Variants in LYPD6B observed in about 807,000 individuals in gnomAD.
LYPD6B encodes LY6/PLAUR domain containing 6B, also known as ly6/PLAUR domain-containing protein 6B.
Under a neutral mutation model 22.8 loss-of-function variants are expected in LYPD6B, and 17 were observed. That is an observed-to-expected ratio of 0.75 (90% CI 0.51 to 1.12). The LOEUF (loss-of-function observed/expected upper bound fraction) is 1.12. Among genes scored for constraint, LYPD6B ranks in the 50% most tolerant of loss-of-function variants. The pLI is 0.00. For synonymous variants in LYPD6B, 106 were observed against 91.6 expected, an observed-to-expected ratio of 1.16 and a Z score of -0.90; for missense variants, 221 against 258.3, an observed-to-expected ratio of 0.86 and a Z score of 0.99.
At chr2:149,093,612 A>G (rs1685768349) in intron 1 of LYPD6B, among the ~76,000 whole-genome samples, 1 of 152,138 alleles carries the variant, frequency 6.6e-6, no homozygotes, top group South Asian at 2.1e-4. Context: ...CACTATCTGG[A>G]CAGAACTGGG....
At chr2:149,102,979 C>G (rs915270881) in intron 1 of LYPD6B, among the ~76,000 whole-genome samples, 4 of 152,218 alleles carry the variant, frequency 2.6e-5, no homozygotes, top group African/African-American at 9.6e-5. Context: ...ATATGTCCCT[C>G]TGTGTCCGTG....
Position 149,163,774 on chromosome 2 carries a change from A to T in LYPD6B, c.77+2939A>T, listed in dbSNP as rs562733185. Among the ~76,000 whole-genome samples, 3 of 152,278 alleles carry T rather than the reference A, an allele frequency of 2.0e-5. No homozygotes were observed. In the South Asian group the frequency reaches 6.2e-4, roughly 32 times the overall value. On this transcript the variant is annotated intron_variant, in intron 3 of 6. Coordinates refer to ENST00000409642, the MANE Select transcript of LYPD6B (RefSeq NM_177964.5). ...TAAAATCAAAGCTTAGAATGTAATC[A>T]TTCTCTTGTTTTGGGAAGGGAAGAC... is the stretch of plus-strand genomic sequence containing the variant.
intron 3 of LYPD6B, among the ~76,000 whole-genome samples, chr2:149,162,230 A>G (rs997180143): frequency 6.6e-6 from 1 of 152,198 alleles, no homozygotes; most frequent in Non-Finnish European, 1.5e-5. Flanking sequence ...ACTACAGGTA[A>G]CATTTGTTTG....
intron 1 of LYPD6B, among the ~76,000 whole-genome samples, chr2:149,044,920 A>G (rs1280922455): frequency 6.6e-6 from 1 of 151,984 alleles, no homozygotes; most frequent in East Asian, 1.9e-4. Context: ...TGATTTTCAA[A>G]TGTTGAACCA....
intron 1 of LYPD6B, among the ~76,000 whole-genome samples, chr2:149,114,417 T>G (rs1407256704): frequency 6.6e-6 from 1 of 152,206 alleles, no homozygotes; most frequent in Non-Finnish European, 1.5e-5. Context: ...CCTGCTACCC[T>G]AAAACCATAT....
At chr2:149,074,268 GCACACACA>G (rs60123351) in intron 1 of LYPD6B, among the ~76,000 whole-genome samples, 1 of 150,432 alleles carries the variant, frequency 6.6e-6, no homozygotes, top group Non-Finnish European at 1.5e-5. Flanking sequence ...ACGCATGCAT[GCACACACA>G]CACACACACA....
intron 1 of LYPD6B, among the ~76,000 whole-genome samples, chr2:149,049,089 A>G (rs1253010595): frequency 6.6e-6 from 1 of 152,234 alleles, no homozygotes; most frequent in African/African-American, 2.4e-5. Flanking sequence ...GTAAATGGCC[A>G]AATGAAGTCT....
intron 1 of LYPD6B, among the ~76,000 whole-genome samples, chr2:149,071,053 G>A (rs1199236455): frequency 2.0e-5 from 3 of 152,212 alleles, no homozygotes; most frequent in African/African-American, 7.2e-5. Context: ...ACTGATAGGT[G>A]AGGGGCTAGG....
At chr2:149,085,579 G>A (rs1195842837) in intron 1 of LYPD6B, among the ~76,000 whole-genome samples, 1 of 152,202 alleles carries the variant, frequency 6.6e-6, no homozygotes, top group Non-Finnish European at 1.5e-5. Context: ...GTCCTTTAAA[G>A]TAGTTTCTTA....
chr2:149,178,473 C>T (rs547233426), intron 3 of LYPD6B, among the ~76,000 whole-genome samples: 41 of 152,220 alleles, frequency 2.7e-4, no homozygotes, highest in African/African-American at 8.7e-4. Flanking sequence ...ACATTCTGTC[C>T]TTTCAGCTGA....
At chr2:149,051,192 G>A (rs1308199599) in intron 1 of LYPD6B, among the ~76,000 whole-genome samples, 1 of 151,538 alleles carries the variant, frequency 6.6e-6, no homozygotes, top group Non-Finnish European at 1.5e-5. Flanking sequence ...TTGAGATGGA[G>A]TCTCGCTCTG....
Position 149,208,310 on chromosome 2 carries a change from A to G in LYPD6B, c.230-4A>G. The G allele has an allele frequency of 1.2e-6, 2 of 1,611,390 alleles. No homozygotes were observed. The highest frequency in any genetic ancestry group is 1.3e-5 in the African/African-American group (1 of 74,894). On this transcript the variant is annotated splice_polypyrimidine_tract_variant and splice_region_variant and intron_variant, in intron 4 of 6. Coordinates refer to ENST00000409642, the MANE Select transcript of LYPD6B (RefSeq NM_177964.5). ...ACTGTTTCACTTTGCTTTTTTCTTT[A>G]AAGCTACACCATTTCCAAATAGCTT...
intron 1 of LYPD6B, among the ~76,000 whole-genome samples, chr2:149,040,603 C>T (rs532225502): frequency 6.6e-6 from 1 of 152,296 alleles, no homozygotes; most frequent in Admixed American, 6.5e-5. Flanking sequence ...GTTTACACAA[C>T]AGGAATGGGC....
chr2:149,072,994 C>T (rs941536495), intron 1 of LYPD6B, among the ~76,000 whole-genome samples: 1 of 152,178 alleles, frequency 6.6e-6, no homozygotes. Context: ...AACTTAACCT[C>T]ATTTATTAAA....
At chr2:149,137,294 G>A (rs1040863841) in intron 2 of LYPD6B, among the ~76,000 whole-genome samples, 9 of 152,154 alleles carry the variant, frequency 5.9e-5, no homozygotes, top group African/African-American at 1.9e-4. Flanking sequence ...AGCTCAGGCT[G>A]TTATTATTTT....
chr2:149,099,861 T>G (rs1686108291), intron 1 of LYPD6B, among the ~76,000 whole-genome samples: 1 of 152,192 alleles, frequency 6.6e-6, no homozygotes, highest in African/African-American at 2.4e-5. Flanking sequence ...CTTGTTGACA[T>G]AGCAGTGTGA....
chr2:149,083,499 C>T (rs1685235417), intron 1 of LYPD6B, among the ~76,000 whole-genome samples: 1 of 152,208 alleles, frequency 6.6e-6, no homozygotes, highest in Non-Finnish European at 1.5e-5. Flanking sequence ...ACAGTCTCTA[C>T]ACCTTCTTTT....
intron 3 of LYPD6B, among the ~76,000 whole-genome samples, chr2:149,181,607 C>T (rs1691727737): frequency 6.6e-6 from 1 of 152,258 alleles, no homozygotes; most frequent in East Asian, 1.9e-4. Context: ...TTGGCAGTCT[C>T]CTTTGCAAAA....
chr2:149,090,748 A>AAAATCTTT (rs1266030223), intron 1 of LYPD6B, among the ~76,000 whole-genome samples: 1 of 152,218 alleles, frequency 6.6e-6, no homozygotes, highest in Non-Finnish European at 1.5e-5. Flanking sequence ...TTAAATCTTT[A>AAAATCTTT]AAAACTTGAT....
Sources: gnomAD v4.1 joint callset for allele counts (sites outside exome capture counted in the v4.1 genomes callset) on GRCh38, gnomAD v4.1.1 for gene constraint, MANE v1.5 for transcripts, NCBI Gene and HGNC (gene_info 2026-07-23, HGNC 2026-07-21) for gene names.